Variants in ROBO2 observed in about 807,000 individuals in gnomAD.
ROBO2 encodes the protein roundabout guidance receptor 2, also known as roundabout homolog 2.
A neutral mutation model predicts 160.8 loss-of-function variants in ROBO2; 53 were observed. The observed-to-expected ratio is 0.33, with a 90% CI of 0.26 to 0.41. The LOEUF is 0.41. Among genes scored for constraint, ROBO2 ranks in the 10% least tolerant of loss-of-function variants. The pLI is 1.00. For synonymous variants in ROBO2, 664 were observed against 611.7 expected, an observed-to-expected ratio of 1.09 and a Z score of -1.26; for missense variants, 1,577 against 1,722.4, an observed-to-expected ratio of 0.92 and a Z score of 1.49.
chr3:76,436,557 T>G (rs2076693005), intron 2 of ROBO2, among the ~76,000 whole-genome samples: 1 of 150,744 alleles, frequency 6.6e-6, no homozygotes, highest in African/African-American at 2.4e-5. Context: ...ATAGGCAACT[T>G]TTTTTTTTGG....
Position 77,644,906 on chromosome 3 carries a change from T to C in ROBO2, c.4135+2T>C. The stretch of plus-strand genomic sequence containing the variant: ...AAGGACAGTTTACAGGTGAATTATG[T>C]AAGTGCTTAGGTCATTTAAAAGGCT... On this transcript the variant is annotated splice_donor_variant, in intron 25 of 25. Transcript: ENST00000461745. LOFTEE classifies it high-confidence loss of function. 1.2e-6 allele frequency: 2 copies of C among 1,613,770 alleles called. No individual in the cohort carries two copies. Among genetic ancestry groups the C allele is most frequent in the Non-Finnish European group, 8.5e-7 (1 of 1,179,678 alleles).
At chr3:77,284,843 G>A (rs755993025) in intron 2 of ROBO2, among the ~76,000 whole-genome samples, 1 of 152,134 alleles carries the variant, frequency 6.6e-6, no homozygotes, top group Non-Finnish European at 1.5e-5. Flanking sequence ...AGGGTAACTT[G>A]TAAGGTTGCA....
intron 2 of ROBO2, among the ~76,000 whole-genome samples, chr3:77,290,989 T>C (rs2061150069): frequency 7.0e-6 from 1 of 142,966 alleles, no homozygotes; most frequent in Non-Finnish European, 1.5e-5. Flanking sequence ...AATTGACGGT[T>C]AAACGGGTAA....
At chr3:77,555,666 G>T (rs538697715) in intron 8 of ROBO2, among the ~76,000 whole-genome samples, 1 of 151,994 alleles carries the variant, frequency 6.6e-6, no homozygotes, top group South Asian at 2.1e-4. Context: ...AAAGACTGGG[G>T]AGATAAGATG....
At chr3:77,439,368 T>A (rs2079662564) in intron 2 of ROBO2, among the ~76,000 whole-genome samples, 1 of 152,070 alleles carries the variant, frequency 6.6e-6, no homozygotes, top group Admixed American at 6.6e-5. Context: ...ACTATGTCAT[T>A]TCTAAAATGA....
At chr3:77,006,541 G>T (rs2149442407) in intron 2 of ROBO2, among the ~76,000 whole-genome samples, 1 of 152,124 alleles carries the variant, frequency 6.6e-6, no homozygotes, top group East Asian at 1.9e-4. Flanking sequence ...GGGAAAAAAA[G>T]AAACAGAGAG....
At chr3:76,739,308 T>A (rs1014530926) in intron 2 of ROBO2, among the ~76,000 whole-genome samples, 1 of 152,072 alleles carries the variant, frequency 6.6e-6, no homozygotes, top group Non-Finnish European at 1.5e-5. Flanking sequence ...CCATAAAAAA[T>A]GATGAGTTCA....
chr3:75,934,478 G>A (rs1308303650), intron 1 of ROBO2, among the ~76,000 whole-genome samples: 1 of 152,082 alleles, frequency 6.6e-6, no homozygotes, highest in Non-Finnish European at 1.5e-5. Flanking sequence ...CAAATTACTT[G>A]TTTTATCTTT....
chr3:76,101,539 G>A (rs2069681374), intron 2 of ROBO2, among the ~76,000 whole-genome samples: 1 of 152,120 alleles, frequency 6.6e-6, no homozygotes, highest in South Asian at 2.1e-4. Flanking sequence ...GTGAGATTAT[G>A]TAGTTATTTA....
intron 2 of ROBO2, among the ~76,000 whole-genome samples, chr3:77,113,953 T>A (rs4645165): frequency 0.25 from 37,824 of 152,094 alleles, 6,455 homozygotes; most frequent in African/African-American, 0.49. Flanking sequence ...TGTTTAGATA[T>A]GGAAACTGAG....
At chr3:76,795,699 T>G (rs1330183350) in intron 2 of ROBO2, among the ~76,000 whole-genome samples, 1 of 152,124 alleles carries the variant, frequency 6.6e-6, no homozygotes, top group Non-Finnish European at 1.5e-5. Context: ...TGGAATCAAC[T>G]CTTTTGAACA....
intron 2 of ROBO2, among the ~76,000 whole-genome samples, chr3:76,381,889 C>A (rs1344271187): frequency 6.6e-6 from 1 of 152,090 alleles, no homozygotes; most frequent in Non-Finnish European, 1.5e-5. Flanking sequence ...GCTGGGGAGC[C>A]CACTGTCAAG....
At chr3:77,563,442 T>A in intron 11 of ROBO2, 113 bp downstream of exon 12, 1 of 1,016,876 alleles carries the variant, frequency 9.8e-7, no homozygotes, top group Non-Finnish European at 1.5e-6. Flanking sequence ...CAATGCATTT[T>A]AAGAATTGAT....
chr3:76,682,363 C>G (rs1433668380), intron 2 of ROBO2, among the ~76,000 whole-genome samples: 1 of 152,110 alleles, frequency 6.6e-6, no homozygotes, highest in Non-Finnish European at 1.5e-5. Flanking sequence ...AAAGTCTATA[C>G]TTTCCACTAA....
At chr3:76,843,173 A>C (rs1168044289) in intron 2 of ROBO2, among the ~76,000 whole-genome samples, 1 of 150,564 alleles carries the variant, frequency 6.6e-6, no homozygotes, top group Non-Finnish European at 1.5e-5. Context: ...GTCCCTAATG[A>C]TGTTTTGTTA....
chr3:76,196,016 C>A (rs6764787), intron 2 of ROBO2, among the ~76,000 whole-genome samples: 16 of 152,000 alleles, frequency 1.1e-4, no homozygotes, highest in African/African-American at 3.1e-4. Flanking sequence ...GTGTAATACC[C>A]TCTCATAGGA....
At chr3:76,664,474 C>A (rs1358832940) in intron 2 of ROBO2, among the ~76,000 whole-genome samples, 1 of 152,156 alleles carries the variant, frequency 6.6e-6, no homozygotes, top group African/African-American at 2.4e-5. Context: ...ATTTGAAAAT[C>A]TAAAGGGACA....
chr3:76,493,360 T>TATATATAA (rs1431991929), intron 2 of ROBO2, among the ~76,000 whole-genome samples: 3 of 138,938 alleles, frequency 2.2e-5, no homozygotes, highest in Non-Finnish European at 4.7e-5. Flanking sequence ...TATATATATA[T>TATATATAA]ATATAATTGT....
At chr3:76,160,261 A>C (rs549617370) in intron 2 of ROBO2, among the ~76,000 whole-genome samples, 1 of 152,152 alleles carries the variant, frequency 6.6e-6, no homozygotes, top group Non-Finnish European at 1.5e-5. Flanking sequence ...GAAATGCTTC[A>C]GAACTTGATT....
Sources: allele counts gnomAD v4.1 joint callset (sites outside exome capture counted in the v4.1 genomes callset), GRCh38; gene constraint gnomAD v4.1.1; transcripts MANE v1.5; gene names NCBI Gene and HGNC (gene_info 2026-07-23, HGNC 2026-07-21).